The following ABI2 variants were observed in gnomAD, a reference collection of about 807,000 sequenced individuals.
The protein encoded by ABI2 is abl interactor 2, also known as abelson interactor 2.
Under a neutral mutation model 59.2 loss-of-function variants are expected in ABI2, and 25 were observed. That is an observed-to-expected ratio of 0.42 (90% CI 0.31 to 0.59). The LOEUF (loss-of-function observed/expected upper bound fraction) is 0.59. Among genes scored for constraint, ABI2 ranks in the 20% least tolerant of loss-of-function variants. The probability of loss-of-function intolerance (pLI) is 0.14; values close to 1 mark genes in which losing one functional copy is unlikely to be tolerated. For missense variants in ABI2, 545 were observed against 681.8 expected, an observed-to-expected ratio of 0.80 and a Z score of 2.23; for synonymous variants, 213 against 235.5, an observed-to-expected ratio of 0.90 and a Z score of 0.87.
chr2:203,386,383 C>T (rs936330184), intron 4 of ABI2, among the ~76,000 whole-genome samples: 1 of 150,356 alleles, frequency 6.7e-6, no homozygotes, highest in African/African-American at 2.5e-5. Context: ...TCAAATGATC[C>T]TCCTGCCTCG....
intron 1 of ABI2, among the ~76,000 whole-genome samples, chr2:203,329,695 T>C (rs74267862): frequency 0.028 from 4,178 of 151,754 alleles, 121 homozygotes; most frequent in East Asian, 0.091. Context: ...TTTTTTTTTT[T>C]CCTTTTTTCT....
chr2:203,391,715 C>T (rs1474561742), intron 5 of ABI2, among the ~76,000 whole-genome samples: 8 of 150,482 alleles, frequency 5.3e-5, no homozygotes, highest in South Asian at 2.1e-4. Context: ...CAGCTACTTG[C>T]GAGGCTGAGA....
At chr2:203,414,204 T>G (rs2097793113) in intron 10 of ABI2, among the ~76,000 whole-genome samples, 1 of 150,998 alleles carries the variant, frequency 6.6e-6, no homozygotes, top group South Asian at 2.1e-4. Context: ...TGGGTTCAAG[T>G]GATTCTCATG....
At chr2:203,412,066 C>A (rs2097700268) in intron 10 of ABI2, among the ~76,000 whole-genome samples, 1 of 152,128 alleles carries the variant, frequency 6.6e-6, no homozygotes, top group South Asian at 2.1e-4. Context: ...ACATGATTTG[C>A]ATGAATCTGA....
intron 7 of ABI2, 140 bp downstream of exon 7, chr2:203,395,920 T>C: frequency 9.5e-7 from 1 of 1,052,004 alleles, no homozygotes; most frequent in Non-Finnish European, 1.3e-6. Flanking sequence ...TATATATTTG[T>C]TATTTGTAAG....
At chr2:203,420,345 A>G (rs981887493) in intron 11 of ABI2, among the ~76,000 whole-genome samples, 1 of 151,436 alleles carries the variant, frequency 6.6e-6, no homozygotes. Flanking sequence ...TATAAATGAT[A>G]TATAGGAATT....
chr2:203,416,904 T>C lies in ABI2; in HGVS notation c.1280-4T>C. 6.2e-7 allele frequency: 1 copy of C among 1,607,904 alleles called. No individual in the cohort carries two copies. Among genetic ancestry groups the C allele is most frequent in the Non-Finnish European group, 8.5e-7 (1 of 1,176,880 alleles). Reference sequence around the variant, plus strand: ...GTTTTGTTGTCAGCCTGATACGTTCTTAGTTTCAGATACACCACCTCCACC... The same window carrying C: ...GTTTTGTTGTCAGCCTGATACGTTCCTAGTTTCAGATACACCACCTCCACC... On this transcript the variant is annotated splice_region_variant and splice_polypyrimidine_tract_variant and intron_variant, in intron 10 of 11. Coordinates refer to ENST00000261018, the MANE Select transcript of ABI2 (RefSeq NM_001375670.1).
chr2:203,380,791 CAT>C (rs2096070881), intron 3 of ABI2, among the ~76,000 whole-genome samples: 1 of 152,118 alleles, frequency 6.6e-6, no homozygotes, highest in Non-Finnish European at 1.5e-5. Flanking sequence ...TATTAATAGA[CAT>C]GTACTTTGAA....
In ABI2 at chr2:203,395,652, T is replaced by TA. The variant is rs1407028507; in HGVS notation, c.726-4_726-3insA. ...TCATGTTTTGGTGGCTCTTATTTCTTTAGCAGCAGTGGGAGTAGTGGAGGG... is the reference window on the plus strand; with the variant it reads ...TCATGTTTTGGTGGCTCTTATTTCTTATAGCAGCAGTGGGAGTAGTGGAGGG... On this transcript the variant is annotated splice_region_variant and splice_polypyrimidine_tract_variant and intron_variant, in intron 6 of 11. Transcript: ENST00000261018. 6.2e-7 allele frequency: 1 copy of TA among 1,606,584 alleles called. No homozygotes were observed.
At chr2:203,425,037 T>A (rs2098382925) in intron 11 of ABI2, among the ~76,000 whole-genome samples, 1 of 151,512 alleles carries the variant, frequency 6.6e-6, no homozygotes, top group African/African-American at 2.4e-5. Context: ...TTTTTTTTTT[T>A]TTTTTTGTAT....
intron 4 of ABI2, among the ~76,000 whole-genome samples, chr2:203,390,209 T>A (rs1272972588): frequency 6.6e-6 from 1 of 152,226 alleles, no homozygotes; most frequent in Non-Finnish European, 1.5e-5. Context: ...GCCCACAATT[T>A]AAAAAACTAA....
At chr2:203,346,576 C>G (rs2083722246) in intron 1 of ABI2, among the ~76,000 whole-genome samples, 1 of 152,228 alleles carries the variant, frequency 6.6e-6, no homozygotes. Context: ...AGCTCTTCCT[C>G]ATTGTCTGTT....
intron 1 of ABI2, among the ~76,000 whole-genome samples, chr2:203,361,081 C>T (rs1451368397): frequency 1.3e-5 from 2 of 152,160 alleles, no homozygotes; most frequent in African/African-American, 4.8e-5. Context: ...GAAAGGAGAT[C>T]TGAATATATG....
At chr2:203,357,777 T>A (rs2152851261) in intron 1 of ABI2, among the ~76,000 whole-genome samples, 1 of 152,192 alleles carries the variant, frequency 6.6e-6, no homozygotes, top group South Asian at 2.1e-4. Flanking sequence ...GTTTGTTTGT[T>A]TGTTTGTTTG....
intron 5 of ABI2, among the ~76,000 whole-genome samples, chr2:203,391,832 A>T (rs1342239247): frequency 6.6e-6 from 1 of 152,026 alleles, no homozygotes; most frequent in Non-Finnish European, 1.5e-5. Context: ...AAAAAAAAAA[A>T]AAAAAAGAAG....
At chr2:203,376,596 T>A (rs534062028) in intron 2 of ABI2, among the ~76,000 whole-genome samples, 1 of 152,332 alleles carries the variant, frequency 6.6e-6, no homozygotes, top group African/African-American at 2.4e-5. Flanking sequence ...TGAATTGATA[T>A]ATTTCCTCGT....
At chr2:203,357,520 T>C (rs1409299057) in intron 1 of ABI2, among the ~76,000 whole-genome samples, 8 of 152,342 alleles carry the variant, frequency 5.3e-5, no homozygotes, top group African/African-American at 1.9e-4. Flanking sequence ...AATAACCTCC[T>C]TTTTCTAAAG....
intron 11 of ABI2, among the ~76,000 whole-genome samples, chr2:203,426,801 A>G (rs1054678678): frequency 6.6e-6 from 1 of 151,756 alleles, no homozygotes; most frequent in Admixed American, 6.6e-5. Context: ...AAAAAAAAAA[A>G]AAACCACAAT....
chr2:203,392,695 G>C (rs1238473190), intron 5 of ABI2, among the ~76,000 whole-genome samples: 1 of 152,020 alleles, frequency 6.6e-6, no homozygotes, highest in African/African-American at 2.4e-5. Flanking sequence ...ATCATGTGTA[G>C]TGCCTTATGG....
Sources: allele counts gnomAD v4.1 joint callset (sites outside exome capture counted in the v4.1 genomes callset), GRCh38; gene constraint gnomAD v4.1.1; transcripts MANE v1.5; gene names NCBI Gene and HGNC (gene_info 2026-07-23, HGNC 2026-07-21).